The following TARM1 variants were observed in gnomAD, a reference collection of about 807,000 sequenced individuals.
The protein encoded by TARM1 is T-cell-interacting, activating receptor on myeloid cells protein 1.
Under a neutral mutation model 30.4 loss-of-function variants are expected in TARM1, and 24 were observed. That is an observed-to-expected ratio of 0.79 (90% CI 0.57 to 1.11). The LOEUF (loss-of-function observed/expected upper bound fraction) is 1.11. Among genes scored for constraint, TARM1 ranks in the 50% least tolerant of loss-of-function variants. The pLI is 0.00. For synonymous variants in TARM1, 129 were observed against 138.9 expected, an observed-to-expected ratio of 0.93 and a Z score of 0.50; for missense variants, 323 against 332.8, an observed-to-expected ratio of 0.97 and a Z score of 0.23.
intron 1 of TARM1, among the ~76,000 whole-genome samples, chr19:54,078,163 T>C: frequency 1.4e-5 from 2 of 146,674 alleles, no homozygotes; most frequent in African/African-American, 2.5e-5. Flanking sequence ...TTTTTTCTTT[T>C]TCTTTTCTTT....
chr19:54,079,325 C>T lies in TARM1; in HGVS notation c.34+1982G>A, dbSNP rs909134435. On this transcript the variant is annotated intron_variant, in intron 1 of 4. Coordinates refer to ENST00000432826, the MANE Select transcript of TARM1 (RefSeq NM_001135686.3). Reference sequence around the variant, plus strand: ...TTACCAGGGGCTGGGAGGACCGCGGCAAATACAGAGTTATTGGTTAGAGGG... The same window carrying T: ...TTACCAGGGGCTGGGAGGACCGCGGTAAATACAGAGTTATTGGTTAGAGGG... Among the ~76,000 whole-genome samples the T allele has an allele frequency of 2.0e-5, 3 of 150,302 alleles. No homozygotes were observed. In the East Asian group the frequency reaches 5.9e-4, roughly 30 times the overall value.
chr19:54,079,994 C>A (rs2072055079), intron 1 of TARM1, among the ~76,000 whole-genome samples: 1 of 83,314 alleles, frequency 1.2e-5, no homozygotes, highest in African/African-American at 5.5e-5. Context: ...CAGAGTGAGA[C>A]TTTGTCTCAA....
intron 4 of TARM1, among the ~76,000 whole-genome samples, chr19:54,072,541 A>T (rs1034847941): frequency 6.6e-6 from 1 of 152,048 alleles, no homozygotes; most frequent in Non-Finnish European, 1.5e-5. Flanking sequence ...ACTGGGTCTC[A>T]CTATGTTGCC....
chr19:54,080,622 A>C (rs1468454014), intron 1 of TARM1, among the ~76,000 whole-genome samples: 1 of 151,398 alleles, frequency 6.6e-6, no homozygotes, highest in East Asian at 1.9e-4. Flanking sequence ...ATGGTTACAC[A>C]GCGGCCTCAA....
intron 1 of TARM1, among the ~76,000 whole-genome samples, chr19:54,077,764 CAT>C (rs1401944542): frequency 9.8e-6 from 1 of 101,954 alleles, no homozygotes; most frequent in Admixed American, 1.2e-4. Context: ...TTTTTTGAGA[CAT>C]AGTTTCATTC....
intron 1 of TARM1, among the ~76,000 whole-genome samples, chr19:54,080,019 G>GGGAGGGAA (rs2072056293): frequency 2.4e-5 from 2 of 83,094 alleles, no homozygotes; most frequent in African/African-American, 5.4e-5. Context: ...AGGAAAAGGA[G>GGGAGGGAA]GGAAGGAAGG....
chr19:54,071,935 G>A (rs1444789834), intron 4 of TARM1, among the ~76,000 whole-genome samples: 1 of 152,138 alleles, frequency 6.6e-6, no homozygotes, highest in East Asian at 1.9e-4. Context: ...GCTCATGCCT[G>A]TAATCCCAGC....
At chr19:54,073,348 G>T (rs587770931) in intron 4 of TARM1, among the ~76,000 whole-genome samples, 2 of 127,084 alleles carry the variant, frequency 1.6e-5, no homozygotes, top group African/African-American at 3.0e-5. Context: ...GGTGGAGGTT[G>T]CAGTGAGCGA....
chr19:54,075,068 G>A lies in TARM1; in HGVS notation c.117C>T (p.Val39=), dbSNP rs1283021039. Reference sequence around the variant, plus strand: ...GCAGCGTCACATTGCTGTTGGCAGGGACCACCGAGCTGGGCCAGGCACTGA... The same window carrying A: ...GCAGCGTCACATTGCTGTTGGCAGGAACCACCGAGCTGGGCCAGGCACTGA... The part of the protein sequence containing the change: ...PSLSAWPSSV[V]PANSNVTLRC... The change falls in exon 3 of 5, where the codon GTC becomes GTT. Residue 39 remains valine (V), a synonymous_variant. Coordinates refer to ENST00000432826, the MANE Select transcript of TARM1 (RefSeq NM_001135686.3). The A allele has an allele frequency of 6.4e-7, 1 of 1,551,462 alleles. No homozygotes were observed. The highest frequency in any genetic ancestry group is 1.7e-4 in the Middle Eastern group (1 of 5,992).
chr19:54,079,677 T>C (rs1453661310), intron 1 of TARM1, among the ~76,000 whole-genome samples: 2 of 151,334 alleles, frequency 1.3e-5, no homozygotes, highest in African/African-American at 4.9e-5. Context: ...CATAGTGAGA[T>C]CCCGTCTCTA....
At chr19:54,075,152 C>T in intron 2 of TARM1, 38 bp from the exon 3 acceptor site, 1 of 1,499,652 alleles carries the variant, frequency 6.7e-7, no homozygotes, top group Non-Finnish European at 8.9e-7. Flanking sequence ...ACCCGATGCC[C>T]TCCCCTGCTC....
chr19:54,076,076 T>G, intron 1 of TARM1, 158 bp from the exon 2 acceptor site: 4 of 1,442,688 alleles, frequency 2.8e-6, no homozygotes, highest in South Asian at 2.7e-5. Context: ...GACTGTGGCT[T>G]CTGCTCGACT....
chr19:54,075,176 T>C, intron 2 of TARM1, 62 bp from the exon 3 acceptor site: 2 of 1,335,150 alleles, frequency 1.5e-6, no homozygotes, highest in African/African-American at 1.5e-5. Flanking sequence ...GGAAGCCCTT[T>C]TTAAAATTTA....
rs751406924 is a variant in TARM1, at chr19:54,074,951, G to A, written c.234C>T (p.Gly78=). ...GATTATTGAGGTGAAATTCGGCCGC[G>A]CCCTCTGTAGAATCAAGGGGCTTCG... is the stretch of plus-strand genomic sequence containing the variant. ...ESPKPLDSTE[G]AAEFHLNNLK... The change falls in exon 3 of 5, where the codon GGC becomes GGT. Residue 78 remains glycine, a synonymous_variant. Transcript: ENST00000432826. 42 of 1,551,366 alleles carry A rather than the reference G, an allele frequency of 2.7e-5. No individual in the cohort carries two copies. Among genetic ancestry groups the A allele is most frequent in the East Asian group, 7.3e-5 (3 of 40,902 alleles).
chr19:54,081,224 G>GT (rs2072122728), intron 1 of TARM1, 83 bp downstream of exon 1: 9 of 1,380,480 alleles, frequency 6.5e-6, no homozygotes, highest in Non-Finnish European at 5.0e-6. Context: ...CAAAGTTGAT[G>GT]TTATTATTTC....
At chr19:54,079,092 T>A (rs1197486702) in intron 1 of TARM1, among the ~76,000 whole-genome samples, 7 of 102,408 alleles carry the variant, frequency 6.8e-5, no homozygotes, top group South Asian at 3.8e-4. Flanking sequence ...TTGTCTCTAC[T>A]AAAAAAAAAA....
chr19:54,075,043 G>T lies in TARM1; in HGVS notation c.142C>A (p.Arg48=). The change falls in exon 3 of 5, where the codon CGA becomes AGA. Residue 48 remains arginine, a synonymous_variant. Transcript: ENST00000432826. The stretch of plus-strand genomic sequence containing the variant: ...ACACCTCTGGCAGGAGTCCAACATC[G>T]CAGCGTCACATTGCTGTTGGCAGGG... ...VVPANSNVTL[R]CWTPARGVSF... 2 of 1,551,386 alleles carry T rather than the reference G, an allele frequency of 1.3e-6. No individual in the cohort carries two copies. Among genetic ancestry groups the T allele is most frequent in the Non-Finnish European group, 1.7e-6 (2 of 1,146,944 alleles).
chr19:54,076,019 G>A (rs1159845675), intron 1 of TARM1, 101 bp from the exon 2 acceptor site: 1 of 1,486,908 alleles, frequency 6.7e-7, no homozygotes, highest in Non-Finnish European at 9.1e-7. Flanking sequence ...GCTGAGAACA[G>A]ACCCTTAGAG....
intron 1 of TARM1, among the ~76,000 whole-genome samples, chr19:54,079,144 A>T (rs1447589478): frequency 6.7e-6 from 1 of 149,606 alleles, no homozygotes; most frequent in African/African-American, 2.5e-5. Flanking sequence ...AGCGCCAGTG[A>T]TCCCAGCTAC....
Sources: allele counts gnomAD v4.1 joint callset (sites outside exome capture counted in the v4.1 genomes callset), GRCh38; gene constraint gnomAD v4.1.1; transcripts MANE v1.5; gene names NCBI Gene and HGNC (gene_info 2026-07-23, HGNC 2026-07-21).